Variants in GPR158 observed in about 807,000 individuals in gnomAD.
GPR158 encodes G protein-coupled receptor 158.
A neutral mutation model predicts 78.2 loss-of-function variants in GPR158; 30 were observed. The ratio of observed to expected loss-of-function variants is 0.38; its 90% CI spans 0.29 to 0.52. The LOEUF is 0.52. Among genes scored for constraint, GPR158 ranks in the 20% least tolerant of loss-of-function variants. The pLI is 0.83. For missense variants in GPR158, 1,463 were observed against 1,523.5 expected, an observed-to-expected ratio of 0.96 and a Z score of 0.66; for synonymous variants, 581 against 591.1, an observed-to-expected ratio of 0.98 and a Z score of 0.25.
chr10:25,445,695 T>C (rs1835130717), intron 4 of GPR158, among the ~76,000 whole-genome samples: 1 of 150,998 alleles, frequency 6.6e-6, no homozygotes, highest in Non-Finnish European at 1.5e-5. Flanking sequence ...CCAAAGACCA[T>C]AGGAAGTAGA....
chr10:25,598,070 A>G lies in GPR158; in HGVS notation c.2444A>G (p.Lys815Arg). The G allele has an allele frequency of 6.2e-7, 1 of 1,614,082 alleles. No homozygotes were observed. The highest frequency in any genetic ancestry group is 8.5e-7 in the Non-Finnish European group (1 of 1,180,010). Residue 815 changes from lysine to arginine, a missense_variant, in exon 11 of 11, where the codon AAG becomes AGG. Physicochemically the swap from Lys to Arg is conservative, Grantham distance 26 (BLOSUM62 2). Coordinates refer to ENST00000376351, the MANE Select transcript of GPR158 (RefSeq NM_020752.3). The stretch of plus-strand genomic sequence containing the variant: ...CTGAAAAACCGAGTCTTCTCACTCA[A>G]GAAATCCCACAGCACTTATGACCAC... ...ETLKNRVFSL[K>R]KSHSTYDHVR... is the part of the protein sequence containing the mutation.
At chr10:25,358,496 A>G (rs1385511075) in intron 2 of GPR158, among the ~76,000 whole-genome samples, 1 of 152,024 alleles carries the variant, frequency 6.6e-6, no homozygotes, top group Non-Finnish European at 1.5e-5. Flanking sequence ...TGTGCTGTTC[A>G]TGTGTAGGTG....
At chr10:25,518,357 TG>T (rs1836212194) in intron 5 of GPR158, among the ~76,000 whole-genome samples, 1 of 88,366 alleles carries the variant, frequency 1.1e-5, no homozygotes. Context: ...AAGGGTTTTT[TG>T]TGTCTCTATT....
intron 2 of GPR158, among the ~76,000 whole-genome samples, chr10:25,314,394 C>T (rs768440537): frequency 1.7e-4 from 26 of 152,260 alleles, no homozygotes; most frequent in African/African-American, 2.4e-4. Context: ...CCACCACACC[C>T]GGTTGGTTTT....
intron 3 of GPR158, among the ~76,000 whole-genome samples, chr10:25,402,290 A>G (rs1356888505): frequency 6.6e-6 from 1 of 152,138 alleles, no homozygotes; most frequent in Non-Finnish European, 1.5e-5. Context: ...AGAACAAAGA[A>G]ATGCTGAGAA....
chr10:25,332,476 T>G (rs1855139944), intron 2 of GPR158, among the ~76,000 whole-genome samples: 1 of 152,186 alleles, frequency 6.6e-6, no homozygotes, highest in African/African-American at 2.4e-5. Context: ...CCTAGCTCTT[T>G]ATTTTCTGAT....
chr10:25,506,597 T>C (rs994516446), intron 5 of GPR158, among the ~76,000 whole-genome samples: 1 of 152,250 alleles, frequency 6.6e-6, no homozygotes, highest in Non-Finnish European at 1.5e-5. Context: ...GAGACAACTC[T>C]GCTGTGTGTT....
intron 2 of GPR158, among the ~76,000 whole-genome samples, chr10:25,328,947 A>AAAAAAAAT: frequency 7.1e-6 from 1 of 141,078 alleles, no homozygotes; most frequent in African/African-American, 2.5e-5. Context: ...AAAAAAAAAA[A>AAAAAAAAT]AGAATTACTA....
chr10:25,353,424 A>T (rs949989189), intron 2 of GPR158, among the ~76,000 whole-genome samples: 1 of 151,988 alleles, frequency 6.6e-6, no homozygotes, highest in Non-Finnish European at 1.5e-5. Context: ...TAATAAAAAT[A>T]ATGTAACTAA....
chr10:25,594,385 T>C lies in GPR158; in HGVS notation c.1986T>C (p.Leu662=), dbSNP rs1202618476. 2 of 1,508,888 alleles carry C rather than the reference T, an allele frequency of 1.3e-6. No individual in the cohort carries two copies. The highest frequency in any genetic ancestry group is 2.8e-5 in the African/African-American group (2 of 72,378). 93.5% of individuals were successfully genotyped at this position (1,508,888 alleles called of 1,614,324 possible). A position where few individuals can be genotyped will look rare whatever the true frequency, so the allele number is the denominator to read the frequency against. ...HLTVTVTIGL[L]LIPKFSHSSN... Reference sequence around the variant, plus strand: ...CTGTGACAGTCACCATTGGGTTGCTTTTGATTCCAAAGGTATTCTTCTAAT... The same window carrying C: ...CTGTGACAGTCACCATTGGGTTGCTCTTGATTCCAAAGGTATTCTTCTAAT... The change falls in exon 9 of 11, where the codon CTT becomes CTC. Residue 662 remains leucine, a synonymous_variant. Coordinates refer to ENST00000376351, the MANE Select transcript of GPR158 (RefSeq NM_020752.3).
intron 4 of GPR158, among the ~76,000 whole-genome samples, chr10:25,423,928 T>C (rs1003044556): frequency 2.0e-5 from 3 of 152,222 alleles, no homozygotes; most frequent in Non-Finnish European, 4.4e-5. Context: ...TCAAATGGTA[T>C]TTCTAGTTCT....
intron 2 of GPR158, among the ~76,000 whole-genome samples, chr10:25,291,124 A>G (rs1229811909): frequency 6.6e-6 from 1 of 151,958 alleles, no homozygotes; most frequent in Non-Finnish European, 1.5e-5. Context: ...ATCTTTCCCC[A>G]TCTTGTTGAA....
At chr10:25,545,164 CAT>C (rs1264167473) in intron 5 of GPR158, among the ~76,000 whole-genome samples, 5 of 152,188 alleles carry the variant, frequency 3.3e-5, no homozygotes, top group Admixed American at 2.6e-4. Context: ...CTGCAGTAAA[CAT>C]ATGTGTGCAT....
chr10:25,578,500 A>AAGTT (rs1297461141), intron 7 of GPR158, among the ~76,000 whole-genome samples: 1 of 152,216 alleles, frequency 6.6e-6, no homozygotes, highest in Non-Finnish European at 1.5e-5. Context: ...ATTTTGGAGC[A>AAGTT]AGTTATAGAA....
chr10:25,523,919 T>C (rs189738788), intron 5 of GPR158, among the ~76,000 whole-genome samples: 13 of 152,192 alleles, frequency 8.5e-5, no homozygotes, highest in Non-Finnish European at 1.6e-4. Flanking sequence ...AACGATCTTA[T>C]AGAGAGAAAA....
intron 7 of GPR158, among the ~76,000 whole-genome samples, chr10:25,582,917 A>G (rs1837222362): frequency 1.3e-5 from 2 of 152,216 alleles, no homozygotes; most frequent in African/African-American, 4.8e-5. Context: ...GCTGTTCTAA[A>G]TACAAACAAT....
intron 5 of GPR158, among the ~76,000 whole-genome samples, chr10:25,474,345 A>G (rs1835551847): frequency 6.6e-6 from 1 of 152,130 alleles, no homozygotes; most frequent in Non-Finnish European, 1.5e-5. Flanking sequence ...TAGGAAACTA[A>G]GATACCCCTT....
intron 2 of GPR158, among the ~76,000 whole-genome samples, chr10:25,222,801 T>C (rs1053497799): frequency 6.6e-6 from 1 of 152,214 alleles, no homozygotes; most frequent in Non-Finnish European, 1.5e-5. Flanking sequence ...TTCATTTCTA[T>C]ATAGCCTTGT....
At chr10:25,435,589 C>T (rs536521074) in intron 4 of GPR158, among the ~76,000 whole-genome samples, 5 of 152,220 alleles carry the variant, frequency 3.3e-5, no homozygotes, top group East Asian at 1.9e-4. Flanking sequence ...TTGGAGAGGT[C>T]GTCAGGACTC....
Sources: allele counts gnomAD v4.1 joint callset (sites outside exome capture counted in the v4.1 genomes callset), GRCh38; gene constraint gnomAD v4.1.1; transcripts MANE v1.5; gene names NCBI Gene and HGNC (gene_info 2026-07-23, HGNC 2026-07-21).